The following ASPH variants were observed in gnomAD, a reference collection of about 807,000 sequenced individuals.
The protein encoded by ASPH is aspartate beta-hydroxylase.
Under a neutral mutation model 118.4 loss-of-function variants are expected in ASPH, and 100 were observed. The ratio of observed to expected loss-of-function variants is 0.84; its 90% CI spans 0.72 to 1.00. The LOEUF is 1.00. Ranked by LOEUF, ASPH falls within the 50% of genes least tolerant of loss-of-function variation. The pLI, the probability that ASPH is intolerant of heterozygous loss-of-function variation, is 0.00. For missense variants in ASPH, 920 were observed against 919.5 expected, an observed-to-expected ratio of 1.00 and a Z score of -0.01; for synonymous variants, 315 against 325.6, an observed-to-expected ratio of 0.97 and a Z score of 0.35.
intron 15 of ASPH, chr8:61,582,973 CAAGGT>C (rs1207589515): frequency 6.6e-6 from 1 of 152,012 alleles, no homozygotes; most frequent in African/African-American, 2.4e-5. Flanking sequence ...ATGATATGAC[CAAGGT>C]AAGGGAACGA....
intron 14 of ASPH, among the ~76,000 whole-genome samples, chr8:61,616,378 A>G (rs1459477812): frequency 6.6e-6 from 1 of 152,228 alleles, no homozygotes; most frequent in East Asian, 1.9e-4. Flanking sequence ...CCCTGTGAGC[A>G]GCAGATTTGG....
chr8:61,671,676 TTC>T (rs1300756862), intron 3 of ASPH, among the ~76,000 whole-genome samples: 2 of 152,242 alleles, frequency 1.3e-5, no homozygotes, highest in Non-Finnish European at 2.9e-5. Context: ...TATTTGGGAA[TTC>T]TTATACAGAA....
intron 17 of ASPH, among the ~76,000 whole-genome samples, chr8:61,566,217 G>A (rs1458308882): frequency 6.6e-6 from 1 of 152,120 alleles, no homozygotes; most frequent in Non-Finnish European, 1.5e-5. Context: ...GGAGTTTGGG[G>A]AGGAAGTTGC....
intron 14 of ASPH, among the ~76,000 whole-genome samples, chr8:61,617,107 GC>G (rs1318611397): frequency 6.6e-6 from 1 of 152,158 alleles, no homozygotes; most frequent in Non-Finnish European, 1.5e-5. Context: ...TAGAGTGCAG[GC>G]AAAAGACCCA....
chr8:61,619,843 G>C (rs1850290907), intron 13 of ASPH, among the ~76,000 whole-genome samples: 2 of 152,154 alleles, frequency 1.3e-5, no homozygotes, highest in Admixed American at 1.3e-4. Flanking sequence ...TCTGTTCTTT[G>C]TGTATTTCTA....
At chr8:61,663,685 A>G in intron 3 of ASPH, 1 of 980,912 alleles carries the variant, frequency 1.0e-6, no homozygotes, top group Non-Finnish European at 1.2e-6. Context: ...TAAAACTCGA[A>G]GTTATCAGGT....
At chr8:61,658,928 G>A (rs116539558) in intron 3 of ASPH, 1 of 152,240 alleles carries the variant, frequency 6.6e-6, no homozygotes, top group South Asian at 2.1e-4. Flanking sequence ...ATAGGTGCTC[G>A]AGATAAATCG....
chr8:61,674,753 T>A (rs1003052094), intron 3 of ASPH, among the ~76,000 whole-genome samples: 2 of 152,178 alleles, frequency 1.3e-5, no homozygotes, highest in Non-Finnish European at 2.9e-5. Context: ...AATAAATGGA[T>A]GAATGATACA....
intron 18 of ASPH, among the ~76,000 whole-genome samples, chr8:61,556,953 A>G (rs934818400): frequency 6.6e-6 from 1 of 152,204 alleles, no homozygotes; most frequent in Non-Finnish European, 1.5e-5. Context: ...CCCACACAAC[A>G]CACACTGCAG....
At chr8:61,513,794 C>T (rs1285279511) in intron 24 of ASPH, among the ~76,000 whole-genome samples, 1 of 152,150 alleles carries the variant, frequency 6.6e-6, no homozygotes, top group Non-Finnish European at 1.5e-5. Flanking sequence ...TCTGAGTAGG[C>T]TGGAGTGGTC....
intron 13 of ASPH, 80 bp from the exon 14 acceptor site, chr8:61,619,099 G>T: frequency 9.9e-7 from 1 of 1,009,092 alleles, no homozygotes; most frequent in Non-Finnish European, 1.5e-6. Context: ...ATATTTAAAT[G>T]AATTCAATAA....
intron 3 of ASPH, chr8:61,659,542 A>G (rs1200741016): frequency 6.6e-6 from 1 of 152,244 alleles, no homozygotes; most frequent in Non-Finnish European, 1.5e-5. Flanking sequence ...AAGAAAAAAG[A>G]AATGGATGAC....
intron 3 of ASPH, among the ~76,000 whole-genome samples, chr8:61,679,238 T>C (rs184999639): frequency 6.6e-6 from 1 of 152,270 alleles, no homozygotes; most frequent in East Asian, 1.9e-4. Flanking sequence ...TCTTTATGCA[T>C]TTATTAGTAA....
rs1199253687 is a variant in ASPH at position 61,558,671 on chromosome 8, C to T, written c.1438-2649G>A. Among the ~76,000 whole-genome samples, 19 of 152,338 alleles carry T rather than the reference C, an allele frequency of 1.2e-4. No individual in the cohort carries two copies. The South Asian group carries it at 1.4e-3, about 12-fold the overall frequency. On this transcript the variant is annotated intron_variant, in intron 18 of 24. Coordinates refer to ENST00000379454, the MANE Select transcript of ASPH (RefSeq NM_004318.4). ...AGGGCAGCTGACAGTGCTGCCCTCC[C>T]TGCTTGCTTCTTTGTGCGTGGGTAC...
At chr8:61,603,845 A>C (rs138896115) in intron 14 of ASPH, among the ~76,000 whole-genome samples, 1 of 152,354 alleles carries the variant, frequency 6.6e-6, no homozygotes, top group East Asian at 1.9e-4. Flanking sequence ...ATTACCACTA[A>C]TTGGAAAAAC....
rs939868999 is a variant in ASPH at position 61,500,994 on chromosome 8, G to A, written c.*2365C>T. ...GTTTTAATTTTTTCCCCTATTGGTA[G>A]AGAACAATAACAGAAGTAATTTTTA... is the stretch of plus-strand genomic sequence containing the variant. On this transcript the variant is annotated 3_prime_UTR_variant, in exon 25 of 25. Transcript: ENST00000379454. 6 of 151,962 alleles carry A rather than the reference G, an allele frequency of 3.9e-5. No homozygotes were observed. The highest frequency in any genetic ancestry group is 1.5e-4 in the African/African-American group (6 of 41,362). 9.4% of individuals were successfully genotyped at this position (151,962 alleles called of 1,614,324 possible).
At chr8:61,528,043 C>T (rs1816126392) in intron 21 of ASPH, among the ~76,000 whole-genome samples, 1 of 151,308 alleles carries the variant, frequency 6.6e-6, no homozygotes, top group Admixed American at 6.6e-5. Flanking sequence ...TCTTGTTTGC[C>T]AACTGGGGGC....
chr8:61,623,182 G>A (rs1316671265), intron 13 of ASPH, among the ~76,000 whole-genome samples: 2 of 152,204 alleles, frequency 1.3e-5, no homozygotes, highest in Non-Finnish European at 2.9e-5. Flanking sequence ...AACAGTGCAT[G>A]AGGGTTCCTC....
At chr8:61,534,478 T>C (rs932433599) in intron 21 of ASPH, among the ~76,000 whole-genome samples, 4 of 148,950 alleles carry the variant, frequency 2.7e-5, no homozygotes, top group African/African-American at 9.8e-5. Flanking sequence ...CAGTAGAAAG[T>C]AAAAAAAAAA....
Sources: allele counts gnomAD v4.1 joint callset (sites outside exome capture counted in the v4.1 genomes callset), GRCh38; gene constraint gnomAD v4.1.1; transcripts MANE v1.5; gene names NCBI Gene and HGNC (gene_info 2026-07-23, HGNC 2026-07-21).